KDM4C: variants seen among roughly 807,000 people sequenced by gnomAD.
The protein encoded by KDM4C is lysine-specific demethylase 4C.
A neutral mutation model predicts 129.3 loss-of-function variants in KDM4C; 81 were observed. The observed-to-expected ratio is 0.63, with a 90% CI of 0.52 to 0.75. The LOEUF is 0.75. Among genes scored for constraint, KDM4C ranks in the 30% least tolerant of loss-of-function variants. The pLI, the probability that KDM4C is intolerant of heterozygous loss-of-function variation, is 0.00. For missense variants in KDM4C, 1,457 were observed against 1,304.0 expected, an observed-to-expected ratio of 1.12 and a Z score of -1.81; for synonymous variants, 573 against 456.1, an observed-to-expected ratio of 1.26 and a Z score of -3.26.
chr9:6,848,813 A>G (rs1838322000), intron 4 of KDM4C, among the ~76,000 whole-genome samples: 1 of 152,218 alleles, frequency 6.6e-6, no homozygotes, highest in African/African-American at 2.4e-5. Context: ...ACATTATTCC[A>G]GCAGTTTTAC....
At chr9:7,005,236 G>A (rs564751419) in intron 12 of KDM4C, among the ~76,000 whole-genome samples, 8 of 152,228 alleles carry the variant, frequency 5.3e-5, no homozygotes, top group Non-Finnish European at 1.2e-4. Flanking sequence ...AGGAGTTCAA[G>A]ACCAGCCTGG....
intron 15 of KDM4C, among the ~76,000 whole-genome samples, chr9:7,028,918 G>GA (rs1826259612): frequency 6.7e-6 from 1 of 149,310 alleles, no homozygotes; most frequent in African/African-American, 2.6e-5. Context: ...GGGGATAAGG[G>GA]AGGGGCGGCG....
chr9:6,797,498 C>G (rs10975835), intron 2 of KDM4C, among the ~76,000 whole-genome samples: 27,670 of 152,078 alleles, frequency 0.18, 2,602 homozygotes, highest in African/African-American at 0.21. Context: ...AGTTGATGGT[C>G]AGGTTGCGAA....
At chr9:7,067,632 T>A (rs1165715833) in intron 17 of KDM4C, among the ~76,000 whole-genome samples, 1 of 152,196 alleles carries the variant, frequency 6.6e-6, no homozygotes, top group Non-Finnish European at 1.5e-5. Context: ...TGGTCTTTAT[T>A]TTTATATTTT....
chr9:6,780,768 C>CAAAA (rs34457968), intron 1 of KDM4C, among the ~76,000 whole-genome samples: 4 of 32,146 alleles, frequency 1.2e-4, no homozygotes, highest in Non-Finnish European at 1.5e-4. Context: ...AACTCCCTCT[C>CAAAA]AAAAAAAAAA....
At chr9:6,866,082 A>G (rs1841917348) in intron 5 of KDM4C, among the ~76,000 whole-genome samples, 1 of 150,868 alleles carries the variant, frequency 6.6e-6, no homozygotes, top group Non-Finnish European at 1.5e-5. Context: ...ACAGGGTTTC[A>G]CCATGTTGAA....
intron 17 of KDM4C, among the ~76,000 whole-genome samples, chr9:7,053,589 A>T (rs973221788): frequency 6.6e-6 from 1 of 152,102 alleles, no homozygotes; most frequent in Non-Finnish European, 1.5e-5. Flanking sequence ...CATTAGACTT[A>T]TTTTCAAGAC....
intron 19 of KDM4C, among the ~76,000 whole-genome samples, chr9:7,146,602 C>T (rs1310405375): frequency 1.3e-5 from 2 of 152,132 alleles, no homozygotes; most frequent in African/African-American, 2.4e-5. Context: ...CTGCATTTTC[C>T]AATGAAGCAG....
intron 8 of KDM4C, among the ~76,000 whole-genome samples, chr9:6,953,778 G>A (rs781603363): frequency 2.0e-5 from 3 of 152,076 alleles, no homozygotes; most frequent in Non-Finnish European, 2.9e-5. Flanking sequence ...TTCCTAATAT[G>A]CCACCATATC....
At chr9:6,771,050 A>G (rs1411351638) in intron 1 of KDM4C, among the ~76,000 whole-genome samples, 1 of 143,194 alleles carries the variant, frequency 7.0e-6, no homozygotes, top group African/African-American at 2.6e-5. Flanking sequence ...CTGGGATTAC[A>G]GGCGTGAGCC....
chr9:7,117,241 C>T (rs1839000473), intron 18 of KDM4C, among the ~76,000 whole-genome samples: 1 of 151,930 alleles, frequency 6.6e-6, no homozygotes, highest in African/African-American at 2.4e-5. Context: ...TTTACCTGGA[C>T]TTCCTTCTTG....
At chr9:7,156,897 T>C (rs1341873498) in intron 19 of KDM4C, among the ~76,000 whole-genome samples, 6 of 152,210 alleles carry the variant, frequency 3.9e-5, no homozygotes, top group African/African-American at 1.2e-4. Context: ...AAGAAAGTCA[T>C]TGGTAGCTTG....
chr9:6,817,594 T>C (rs1308849084), intron 4 of KDM4C, among the ~76,000 whole-genome samples: 62 of 152,144 alleles, frequency 4.1e-4, no homozygotes, highest in Non-Finnish European at 8.8e-5. Flanking sequence ...GTTAAAAAAA[T>C]AGCCTTTCCT....
At chr9:6,914,060 T>C (rs1819839125) in intron 8 of KDM4C, among the ~76,000 whole-genome samples, 1 of 152,220 alleles carries the variant, frequency 6.6e-6, no homozygotes, top group South Asian at 2.1e-4. Context: ...GTACATTTTG[T>C]ATTTTCCCTT....
rs7864351 is a variant in KDM4C, at chr9:6,849,689, G to T, written c.618G>T (p.Glu206Asp). 3 of 1,561,228 alleles carry T rather than the reference G, an allele frequency of 1.9e-6. No individual in the cohort carries two copies. The highest frequency in any genetic ancestry group is 1.4e-5 in the African/African-American group (1 of 73,692). Residue 206 changes from glutamate (E) to aspartate (D), a missense_variant, in exon 5 of 22, where the codon GAG becomes GAT. By Grantham distance (45) the Glu-to-Asp change is conservative. Transcript: ENST00000381309. ...LYSINYLHFG[E>D]PKSWYAIPPE... The stretch of plus-strand genomic sequence containing the variant: ...GCATTAATTATCTCCACTTTGGAGA[G>T]CCCAAGTCTTGGCAAGTTACTTGTT...
At chr9:6,751,910 G>C (rs1361958095) in intron 1 of KDM4C, among the ~76,000 whole-genome samples, 1 of 152,170 alleles carries the variant, frequency 6.6e-6, no homozygotes, top group East Asian at 1.9e-4. Flanking sequence ...GTAAACTACA[G>C]AATGTGAAAA....
chr9:7,084,269 A>G (rs944035056), intron 17 of KDM4C, among the ~76,000 whole-genome samples: 4 of 152,142 alleles, frequency 2.6e-5, no homozygotes, highest in Non-Finnish European at 5.9e-5. Flanking sequence ...TGAGAATGGC[A>G]TAGTTCATAT....
At chr9:6,750,259 T>G (rs1417776202) in intron 1 of KDM4C, among the ~76,000 whole-genome samples, 3 of 151,742 alleles carry the variant, frequency 2.0e-5, no homozygotes, top group Non-Finnish European at 4.4e-5. Flanking sequence ...ACCAATATGG[T>G]GGAACCCCAT....
chr9:6,863,402 A>G (rs1228257302), intron 5 of KDM4C, among the ~76,000 whole-genome samples: 1 of 152,118 alleles, frequency 6.6e-6, no homozygotes, highest in East Asian at 1.9e-4. Context: ...GATGTTTAGA[A>G]AAGTTCTGGA....
Sources: allele counts gnomAD v4.1 joint callset (sites outside exome capture counted in the v4.1 genomes callset), GRCh38; gene constraint gnomAD v4.1.1; transcripts MANE v1.5; gene names NCBI Gene and HGNC (gene_info 2026-07-23, HGNC 2026-07-21).